The following LETM2 variants were observed in gnomAD, a reference collection of about 807,000 sequenced individuals.
The protein encoded by LETM2 is leucine zipper and EF-hand containing transmembrane protein 2, also known as LETM1 domain-containing protein LETM2, mitochondrial.
A neutral mutation model predicts 59.6 loss-of-function variants in LETM2; 58 were observed. The observed-to-expected ratio is 0.97, with a 90% CI of 0.79 to 1.21. The LOEUF is 1.21. Among genes scored for constraint, LETM2 ranks in the 50% most tolerant of loss-of-function variants. The pLI, the probability that LETM2 is intolerant of heterozygous loss-of-function variation, is 0.00. For missense variants in LETM2, 572 were observed against 575.7 expected (o/e 0.99, Z 0.07); for synonymous variants, 199 against 214.1 (o/e 0.93, Z 0.62).
At chr8:38,404,687 A>C in intron 8 of LETM2, 181 bp downstream of exon 8, 1 of 563,754 alleles carries the variant, frequency 1.8e-6, no homozygotes, top group Non-Finnish European at 3.2e-6. Flanking sequence ...CAAACAAACA[A>C]AACAAAGGAA....
In LETM2 at chr8:38,402,056, C is replaced by G. The variant is rs150086110; in HGVS notation, c.985-469C>G. On this transcript the variant is annotated intron_variant, in intron 6 of 10. Coordinates refer to ENST00000379957, the MANE Select transcript of LETM2 (RefSeq NM_001286819.2). ...TACCATTGTTTTGGGTTACGCCAAG[C>G]AGAAACTGTGTTATTTACTGAGGGA... is the stretch of plus-strand genomic sequence containing the variant. Among the ~76,000 whole-genome samples the G allele has an allele frequency of 1.0e-3, 152 of 152,134 alleles. 1 individual carries two copies. The highest frequency in any genetic ancestry group is 3.6e-3 in the African/African-American group (150 of 41,478).
Position 38,408,424 on chromosome 8 carries a change from TC to T in LETM2, c.*152del, listed in dbSNP as rs1586039734. The stretch of plus-strand genomic sequence containing the variant: ...CAGTCCTTTGAGGCCTGGTAACCAT[TC>T]CAGGTGATGTGGGTAGTGAGACCAA... On this transcript the variant is annotated 3_prime_UTR_variant, in exon 11 of 11. Transcript: ENST00000379957. 1.6e-6 allele frequency: 1 copy of T among 638,036 alleles called. No individual in the cohort carries two copies. Among genetic ancestry groups the T allele is most frequent in the African/African-American group, 1.8e-5 (1 of 54,404 alleles). The allele number at this position is 638,036 out of a possible 1,614,324, so 39.5% of individuals were successfully genotyped here.
intron 3 of LETM2, chr8:38,393,318 CTGT>C (rs1812446824): frequency 3.9e-6 from 1 of 253,280 alleles, no homozygotes; most frequent in Admixed American, 5.0e-5. Flanking sequence ...CATGTTTCAA[CTGT>C]TGTTAATATA....
At chr8:38,406,868 G>C in intron 8 of LETM2, 78 bp from the exon 9 acceptor site, 1 of 853,344 alleles carries the variant, frequency 1.2e-6, no homozygotes, top group Non-Finnish European at 2.0e-6. Context: ...TGCTAAAAAA[G>C]GCATTGACTA....
chr8:38,400,967 C>G lies in LETM2; in HGVS notation c.898C>G (p.Leu300Val), dbSNP rs1813162846. Residue 300 changes from leucine (L) to valine (V), a missense_variant, in exon 6 of 11, where the codon CTG becomes GTG. Physicochemically the swap from Leu to Val is conservative, Grantham distance 32. Coordinates refer to ENST00000379957, the MANE Select transcript of LETM2 (RefSeq NM_001286819.2). ...DRPQLVALCK[L>V]LELQTFGTNN... ...CCCTCAGCTGGTTGCCCTTTGCAAA[C>G]TGCTGGAATTGCAGACATTTGGAAC... The G allele has an allele frequency of 6.2e-7, 1 of 1,614,146 alleles. No homozygotes were observed. The highest frequency in any genetic ancestry group is 1.3e-5 in the African/African-American group (1 of 75,036).
At chr8:38,406,243 A>G (rs1813705985) in intron 8 of LETM2, among the ~76,000 whole-genome samples, 1 of 152,204 alleles carries the variant, frequency 6.6e-6, no homozygotes, top group Admixed American at 6.5e-5. Flanking sequence ...CAATTTTATC[A>G]TTTATTATTA....
intron 3 of LETM2, 46 bp from the exon 4 acceptor site, chr8:38,394,052 G>T: frequency 7.5e-7 from 1 of 1,329,746 alleles, no homozygotes; most frequent in Non-Finnish European, 9.7e-7. Flanking sequence ...TTTGTTTTTG[G>T]CATGCCCTAA....
intron 10 of LETM2, among the ~76,000 whole-genome samples, 184 bp downstream of exon 10, chr8:38,407,647 C>CAAAA (rs3215418): frequency 6.8e-6 from 1 of 147,530 alleles, no homozygotes; most frequent in African/African-American, 2.5e-5. Flanking sequence ...TTCAACTATC[C>CAAAA]AAAAAAAAAA....
chr8:38,400,764 T>TC (rs1485556485), intron 5 of LETM2, 89 bp from the exon 6 acceptor site: 2 of 1,150,508 alleles, frequency 1.7e-6, no homozygotes, highest in African/African-American at 3.1e-5. Context: ...GTCCCATAAA[T>TC]GCTTTGATGT....
intron 8 of LETM2, among the ~76,000 whole-genome samples, chr8:38,405,755 T>C (rs182275561): frequency 7.5e-4 from 115 of 152,320 alleles, no homozygotes; most frequent in Admixed American, 5.2e-3. Context: ...CATTCTTAGA[T>C]TGCTGTCAGG....
At chr8:38,402,495 T>C (rs2150444717) in intron 6 of LETM2, 30 bp from the exon 7 acceptor site, 2 of 1,610,508 alleles carry the variant, frequency 1.2e-6, no homozygotes, top group Non-Finnish European at 1.7e-6. Flanking sequence ...GAATCAAAAG[T>C]TCCAACTCCA....
At chr8:38,390,515 G>A (rs1010474976) in intron 2 of LETM2, among the ~76,000 whole-genome samples, 5 of 149,280 alleles carry the variant, frequency 3.3e-5, no homozygotes, top group African/African-American at 7.4e-5. Flanking sequence ...CCAGATACTC[G>A]GGAGGCTGAG....
At position 38,408,518 on chromosome 8, in the gene LETM2, A is replaced by C; in HGVS notation, c.*244A>C. On this transcript the variant is annotated 3_prime_UTR_variant, in exon 11 of 11. Coordinates refer to ENST00000379957, the MANE Select transcript of LETM2 (RefSeq NM_001286819.2). The stretch of plus-strand genomic sequence containing the variant: ...CTCTGTACCATTGTCACCCCACTCA[A>C]CTTTGTATAAAGCCCACCCCCCATC... 2.4e-6 allele frequency: 1 copy of C among 414,334 alleles called. No homozygotes were observed. The highest frequency in any genetic ancestry group is 4.4e-6 in the Non-Finnish European group (1 of 225,538). 25.7% of individuals were successfully genotyped at this position (414,334 alleles called of 1,614,324 possible).
In LETM2 at chr8:38,392,946, T is replaced by G; in HGVS notation, c.452T>G (p.Val151Gly). The G allele has an allele frequency of 1.2e-6, 2 of 1,611,044 alleles. No individual in the cohort carries two copies. The highest frequency in any genetic ancestry group is 1.7e-6 in the Non-Finnish European group (2 of 1,180,006). The change falls in exon 3 of 11, where the codon GTT becomes GGT. Residue 151 changes from valine to glycine, a missense_variant. Coordinates refer to ENST00000379957, the MANE Select transcript of LETM2 (RefSeq NM_001286819.2). ...GACGCCAAAGTTGCTGCCAGAATGG[T>G]TTGGAGGCTGTTGCATGGACAGGTC... is the stretch of plus-strand genomic sequence containing the variant. ...WIDAKVAARMVWRLLHGQVLT... is the reference protein window; with the variant it reads ...WIDAKVAARMGWRLLHGQVLT...
At chr8:38,402,434 T>C in intron 6 of LETM2, 91 bp from the exon 7 acceptor site, 1 of 1,456,542 alleles carries the variant, frequency 6.9e-7, no homozygotes, top group African/African-American at 1.4e-5. Flanking sequence ...CATCCAAGCC[T>C]CTGATTCTGT....
intron 4 of LETM2, among the ~76,000 whole-genome samples, chr8:38,395,594 C>A (rs1812621847): frequency 6.6e-6 from 1 of 152,040 alleles, no homozygotes; most frequent in Admixed American, 6.6e-5. Context: ...CAGCTCACTG[C>A]AACCTCTGCT....
At chr8:38,408,170 C>G (rs527542881) in intron 10 of LETM2, 42 bp from the exon 11 acceptor site, 2 of 1,523,674 alleles carry the variant, frequency 1.3e-6, no homozygotes, top group Non-Finnish European at 9.0e-7. Flanking sequence ...AGAACTTACA[C>G]GTCTGTGACT....
chr8:38,397,691 A>G (rs1017314200), intron 4 of LETM2, among the ~76,000 whole-genome samples: 1 of 152,164 alleles, frequency 6.6e-6, no homozygotes, highest in African/African-American at 2.4e-5. Flanking sequence ...GAAGCAGGGT[A>G]GCTGGGTGGA....
intron 2 of LETM2, among the ~76,000 whole-genome samples, chr8:38,391,192 A>C (rs1312310182): frequency 2.3e-4 from 33 of 142,498 alleles, no homozygotes; most frequent in South Asian, 6.4e-4. Context: ...AAAAAAAAAA[A>C]AAAAAACAAA....
Sources: allele counts gnomAD v4.1 joint callset (sites outside exome capture counted in the v4.1 genomes callset), GRCh38; gene constraint gnomAD v4.1.1; transcripts MANE v1.5; gene names NCBI Gene and HGNC (gene_info 2026-07-23, HGNC 2026-07-21).